The following NTRK3 variants were observed in gnomAD, a reference collection of about 807,000 sequenced individuals.
NTRK3 encodes NT-3 growth factor receptor.
A neutral mutation model predicts 91.7 loss-of-function variants in NTRK3; 24 were observed. The observed-to-expected ratio is 0.26, with a 90% CI of 0.19 to 0.37. The LOEUF (loss-of-function observed/expected upper bound fraction) is 0.37. NTRK3 is among the 10% of genes least tolerant of loss of function. The pLI, the probability that NTRK3 is intolerant of heterozygous loss-of-function variation, is 1.00. For missense variants in NTRK3, 880 were observed against 1,068.9 expected (o/e 0.82, Z 2.46); for synonymous variants, 483 against 404.0 (o/e 1.20, Z -2.34).
chr15:87,986,809 G>A (rs2074842041), intron 14 of NTRK3, among the ~76,000 whole-genome samples: 1 of 152,266 alleles, frequency 6.6e-6, no homozygotes. Context: ...ATCCTATAAA[G>A]GACCAGATAG....
chr15:87,953,326 G>T (rs1273660709), intron 14 of NTRK3, among the ~76,000 whole-genome samples: 1 of 152,218 alleles, frequency 6.6e-6, no homozygotes, highest in Non-Finnish European at 1.5e-5. Flanking sequence ...TGCCTCTCGG[G>T]CACTAGCTAA....
intron 3 of NTRK3, among the ~76,000 whole-genome samples, chr15:88,197,465 C>T (rs1228441206): frequency 6.6e-6 from 1 of 152,142 alleles, no homozygotes; most frequent in East Asian, 1.9e-4. Context: ...ATCCCAATGG[C>T]TATCAAACGC....
chr15:87,862,789 G>A (rs139643745), exon 19 of NTRK3: 88 of 229,680 alleles, frequency 3.8e-4, no homozygotes, highest in Non-Finnish European at 6.7e-4. Flanking sequence ...GGCAAAAACA[G>A]CTGTTAAAGA....
chr15:88,037,857 C>A (rs2079206599), intron 13 of NTRK3, among the ~76,000 whole-genome samples: 1 of 152,132 alleles, frequency 6.6e-6, no homozygotes, highest in African/African-American at 2.4e-5. Context: ...ACATTGGTAC[C>A]ATTATTTTCC....
In NTRK3 at chr15:87,904,436, G is replaced by A. The variant is rs112516855; in HGVS notation, c.2134-24008C>T. On this transcript the variant is annotated intron_variant, in intron 17 of 18. Coordinates refer to ENST00000394480, the Ensembl canonical transcript of NTRK3. ...CTCCCAAAGTGCTGGGATTACAGGCGTGAGCCACCACGCCCAGCCACAATA... is the reference window on the plus strand; with the variant it reads ...CTCCCAAAGTGCTGGGATTACAGGCATGAGCCACCACGCCCAGCCACAATA... Among the ~76,000 whole-genome samples, 927 of 151,958 alleles carry A rather than the reference G, an allele frequency of 6.1e-3. 10 individuals carry two copies. The highest frequency in any genetic ancestry group is 0.027 in the Middle Eastern group (8 of 294).
At chr15:88,053,080 T>C (rs1297790780) in intron 13 of NTRK3, among the ~76,000 whole-genome samples, 2 of 152,196 alleles carry the variant, frequency 1.3e-5, no homozygotes, top group African/African-American at 2.4e-5. Context: ...GACACTGTTC[T>C]AGGAACTGGG....
chr15:88,101,874 G>A (rs551895684), intron 13 of NTRK3, among the ~76,000 whole-genome samples: 22 of 152,218 alleles, frequency 1.4e-4, no homozygotes, highest in African/African-American at 5.1e-4. Context: ...TGTGGGGTGG[G>A]GGGAGTGGGG....
chr15:88,251,705 C>T (rs2053399060), intron 3 of NTRK3, among the ~76,000 whole-genome samples: 1 of 152,256 alleles, frequency 6.6e-6, no homozygotes, highest in Non-Finnish European at 1.5e-5. Context: ...TGGACAGAAG[C>T]AGCAGCTGGC....
chr15:87,984,614 C>T (rs1364943450), intron 14 of NTRK3, among the ~76,000 whole-genome samples: 1 of 152,238 alleles, frequency 6.6e-6, no homozygotes, highest in African/African-American at 2.4e-5. Context: ...AAACCTAACC[C>T]ACAGGCCGTA....
intron 14 of NTRK3, among the ~76,000 whole-genome samples, chr15:88,000,360 T>TAG (rs1279173827): frequency 1.3e-5 from 2 of 152,324 alleles, no homozygotes; most frequent in East Asian, 3.9e-4. Flanking sequence ...TCTCTTCCAA[T>TAG]AGGGCAGTGT....
At chr15:88,027,661 C>A (rs1420013389) in intron 14 of NTRK3, among the ~76,000 whole-genome samples, 1 of 152,218 alleles carries the variant, frequency 6.6e-6, no homozygotes, top group African/African-American at 2.4e-5. Flanking sequence ...GGATTACAGG[C>A]GTGAGCCACC....
intron 13 of NTRK3, among the ~76,000 whole-genome samples, chr15:88,096,668 T>C (rs572260146): frequency 2.9e-4 from 44 of 152,250 alleles, no homozygotes; most frequent in African/African-American, 9.6e-4. Flanking sequence ...CCATAACTAA[T>C]TAATGGAGGA....
intron 13 of NTRK3, among the ~76,000 whole-genome samples, chr15:88,072,004 CTTT>C (rs374364707): frequency 6.8e-5 from 9 of 132,622 alleles, no homozygotes; most frequent in Admixed American, 7.6e-5. Flanking sequence ...AATCAAACAT[CTTT>C]TTTTTTTTTT....
chr15:87,950,686 T>C (rs1486538488), intron 14 of NTRK3, among the ~76,000 whole-genome samples: 1 of 152,192 alleles, frequency 6.6e-6, no homozygotes, highest in African/African-American at 2.4e-5. Context: ...TGACTTGCCA[T>C]GAGGATTCAG....
At chr15:88,064,676 G>A (rs1002795212) in intron 13 of NTRK3, among the ~76,000 whole-genome samples, 6 of 152,160 alleles carry the variant, frequency 3.9e-5, no homozygotes, top group South Asian at 2.1e-4. Flanking sequence ...AGTCCAGAGC[G>A]AGAGGGTGGA....
exon 19 of NTRK3, chr15:87,863,541 TG>T (rs1376685918): frequency 9.2e-6 from 2 of 217,822 alleles, no homozygotes; most frequent in African/African-American, 4.5e-5. Context: ...TTTTTTTGTA[TG>T]TGTGTCATTT....
intron 3 of NTRK3, among the ~76,000 whole-genome samples, chr15:88,253,715 C>T (rs1373495442): frequency 3.3e-5 from 5 of 152,154 alleles, no homozygotes; most frequent in Non-Finnish European, 7.3e-5. Context: ...AGAAAGGAGT[C>T]CTGATGGCCT....
chr15:87,979,032 T>G, intron 14 of NTRK3: 1 of 461,302 alleles, frequency 2.2e-6, no homozygotes, highest in South Asian at 2.8e-5. Flanking sequence ...GAATGGCTAG[T>G]GTATTTAAAA....
chr15:87,911,015 GA>G (rs1242555937), intron 17 of NTRK3, among the ~76,000 whole-genome samples: 1 of 152,176 alleles, frequency 6.6e-6, no homozygotes, highest in East Asian at 1.9e-4. Flanking sequence ...GGCAAAGTTA[GA>G]AGGGATAGAA....
Sources: gnomAD v4.1 joint callset for allele counts (sites outside exome capture counted in the v4.1 genomes callset) on GRCh38, gnomAD v4.1.1 for gene constraint, MANE v1.5 for transcripts, NCBI Gene and HGNC (gene_info 2026-07-23, HGNC 2026-07-21) for gene names.